Variants in GMDS observed in about 807,000 individuals in gnomAD.
GMDS encodes GDP-mannose 4,6-dehydratase, also known as GDP-mannose 4,6 dehydratase.
GMDS carries 20 observed loss-of-function variants against 49.9 expected under a neutral mutation model. The observed-to-expected ratio is 0.40, with a 90% CI of 0.28 to 0.58. GMDS has a LOEUF of 0.58. Among genes scored for constraint, GMDS ranks in the 20% least tolerant of loss-of-function variants. The pLI is 0.42. For synonymous variants in GMDS, 177 were observed against 178.6 expected (o/e 0.99, Z 0.07); for missense variants, 362 against 481.4 (o/e 0.75, Z 2.32).
At chr6:2,150,329 T>C (rs977034119) in intron 1 of GMDS, among the ~76,000 whole-genome samples, 3 of 152,132 alleles carry the variant, frequency 2.0e-5, no homozygotes, top group East Asian at 1.9e-4. Flanking sequence ...GTGGGACCAT[T>C]TGAGCCCAGG....
intron 1 of GMDS, among the ~76,000 whole-genome samples, chr6:2,221,222 A>G (rs1018112396): frequency 2.0e-5 from 3 of 152,168 alleles, no homozygotes; most frequent in African/African-American, 7.2e-5. Context: ...TTGTGGCTCA[A>G]AGATTACCTC....
intron 2 of GMDS, among the ~76,000 whole-genome samples, chr6:2,122,576 C>G (rs1367323795): frequency 6.6e-6 from 1 of 152,222 alleles, no homozygotes; most frequent in Non-Finnish European, 1.5e-5. Context: ...AAAAATTACT[C>G]TAACATTTAC....
At chr6:1,683,824 T>C (rs962842422) in intron 9 of GMDS, among the ~76,000 whole-genome samples, 2 of 152,220 alleles carry the variant, frequency 1.3e-5, no homozygotes, top group African/African-American at 4.8e-5. Flanking sequence ...ACTGCACCTG[T>C]CCTAATGTCC....
chr6:1,872,188 T>C (rs1230654309), intron 7 of GMDS, among the ~76,000 whole-genome samples: 3 of 152,250 alleles, frequency 2.0e-5, no homozygotes, highest in African/African-American at 7.2e-5. Context: ...CTGGCCGGAA[T>C]GCAGTGCTGA....
At chr6:1,750,270 T>G (rs929276311) in intron 7 of GMDS, among the ~76,000 whole-genome samples, 1 of 152,246 alleles carries the variant, frequency 6.6e-6, no homozygotes, top group Non-Finnish European at 1.5e-5. Context: ...TTATATTTAG[T>G]CATTTAAAAA....
chr6:1,921,179 T>C (rs1761697878), intron 7 of GMDS, among the ~76,000 whole-genome samples: 1 of 152,238 alleles, frequency 6.6e-6, no homozygotes, highest in Non-Finnish European at 1.5e-5. Context: ...TCTATGCATT[T>C]GCATCCTCTC....
At chr6:2,128,205 A>C (rs1453381090) in intron 1 of GMDS, among the ~76,000 whole-genome samples, 1 of 146,310 alleles carries the variant, frequency 6.8e-6, no homozygotes, top group Non-Finnish European at 1.5e-5. Context: ...ACAGAATTTC[A>C]CTCTTGTTGC....
At chr6:1,723,091 A>C (rs946077816) in intron 9 of GMDS, among the ~76,000 whole-genome samples, 32 of 152,172 alleles carry the variant, frequency 2.1e-4, no homozygotes, top group Non-Finnish European at 5.9e-5. Context: ...TGAGGCACTA[A>C]ATCAATGAGG....
chr6:2,229,833 G>T (rs1358894044), intron 1 of GMDS, among the ~76,000 whole-genome samples: 1 of 152,126 alleles, frequency 6.6e-6, no homozygotes, highest in East Asian at 1.9e-4. Flanking sequence ...TTATTTGGTT[G>T]CTCTACCTGA....
At chr6:2,182,456 C>G (rs923566209) in intron 1 of GMDS, among the ~76,000 whole-genome samples, 2 of 152,240 alleles carry the variant, frequency 1.3e-5, no homozygotes, top group African/African-American at 4.8e-5. Context: ...ACTTTCATAG[C>G]TGCAGAGATG....
intron 6 of GMDS, among the ~76,000 whole-genome samples, chr6:1,940,289 A>AT (rs1762761277): frequency 6.6e-6 from 1 of 152,278 alleles, no homozygotes; most frequent in Non-Finnish European, 1.5e-5. Flanking sequence ...TCAATACTTC[A>AT]TCCAAAAGCT....
At chr6:2,202,196 T>C (rs1779574239) in intron 1 of GMDS, among the ~76,000 whole-genome samples, 1 of 144,108 alleles carries the variant, frequency 6.9e-6, no homozygotes. Context: ...GATGTAACCA[T>C]CTAGGCAGTG....
intron 4 of GMDS, among the ~76,000 whole-genome samples, chr6:1,972,347 C>T (rs1764669607): frequency 2.1e-5 from 3 of 143,036 alleles, no homozygotes; most frequent in African/African-American, 5.2e-5. Context: ...GATGCCTTTT[C>T]TCTGTCATTT....
chr6:2,217,016 C>G (rs1278892596), intron 1 of GMDS, among the ~76,000 whole-genome samples: 6 of 152,192 alleles, frequency 3.9e-5, no homozygotes, highest in African/African-American at 1.4e-4. Context: ...ACCTCCCTGC[C>G]AGCCTCCCGC....
chr6:2,223,511 CTA>C (rs980936004), intron 1 of GMDS, among the ~76,000 whole-genome samples: 9 of 151,660 alleles, frequency 5.9e-5, no homozygotes, highest in African/African-American at 2.2e-4. Context: ...TAGGAGGTTA[CTA>C]TAACAGCCCA....
intron 4 of GMDS, among the ~76,000 whole-genome samples, chr6:1,963,945 C>T (rs987533241): frequency 3.9e-5 from 6 of 152,280 alleles, no homozygotes; most frequent in African/African-American, 1.4e-4. Flanking sequence ...GATGGAGGTG[C>T]TAAAAGCCAC....
intron 4 of GMDS, among the ~76,000 whole-genome samples, chr6:1,986,663 G>A (rs1765567168): frequency 1.3e-5 from 2 of 152,108 alleles, no homozygotes; most frequent in African/African-American, 4.8e-5. Flanking sequence ...GATCTCAGGA[G>A]ACCCTGAGAA....
At chr6:1,839,768 G>A (rs1472936691) in intron 7 of GMDS, among the ~76,000 whole-genome samples, 2 of 152,298 alleles carry the variant, frequency 1.3e-5, no homozygotes, top group East Asian at 3.9e-4. Context: ...ACCCATGGAA[G>A]GGGCAGGGTG....
intron 7 of GMDS, among the ~76,000 whole-genome samples, chr6:1,892,427 T>G (rs2113842776): frequency 6.6e-6 from 1 of 152,284 alleles, no homozygotes; most frequent in East Asian, 1.9e-4. Flanking sequence ...TGGTATGATC[T>G]TGGCTCACTG....
Sources: allele counts gnomAD v4.1 joint callset (sites outside exome capture counted in the v4.1 genomes callset), GRCh38; gene constraint gnomAD v4.1.1; transcripts MANE v1.5; gene names NCBI Gene and HGNC (gene_info 2026-07-23, HGNC 2026-07-21).